Variants in TSHR observed in about 807,000 individuals in gnomAD.
TSHR encodes thyroid stimulating hormone receptor, also known as thyrotropin receptor.
In TSHR, 51 loss-of-function variants were observed where a neutral mutation model predicts 64.1. The ratio of observed to expected loss-of-function variants is 0.80; its 90% CI spans 0.64 to 1.01. The LOEUF is 1.01. Among genes scored for constraint, TSHR ranks in the 50% least tolerant of loss-of-function variants. TSHR has a pLI of 0.00. For missense variants in TSHR, 877 were observed against 942.8 expected, an observed-to-expected ratio of 0.93 and a Z score of 0.91; for synonymous variants, 361 against 361.9, an observed-to-expected ratio of 1.00 and a Z score of 0.03.
chr14:81,060,154 C>T (rs1318774888), intron 1 of TSHR, among the ~76,000 whole-genome samples: 2 of 152,078 alleles, frequency 1.3e-5, no homozygotes, highest in South Asian at 2.1e-4. Flanking sequence ...ACAGTTTAGT[C>T]CCATATTACC....
intron 8 of TSHR, among the ~76,000 whole-genome samples, chr14:81,117,413 A>C (rs1420108276): frequency 9.1e-6 from 1 of 109,788 alleles, no homozygotes; most frequent in Non-Finnish European, 1.7e-5. Context: ...ACCTCTACGC[A>C]AATAAACTAG....
At position 81,145,380 on chromosome 14, in the gene TSHR, C is replaced by A. The variant is rs1891889213; in HGVS notation, c.*1027C>A. Reference sequence around the variant, plus strand: ...ACTCCTAGTCCTTGAAGCCTAGACACATGACCCAGGAAATTTTTCCTTTGT... The same window carrying A: ...ACTCCTAGTCCTTGAAGCCTAGACAAATGACCCAGGAAATTTTTCCTTTGT... On this transcript the variant is annotated 3_prime_UTR_variant, in exon 10 of 10. Transcript: ENST00000298171. 1 of 233,070 alleles carries A rather than the reference C, an allele frequency of 4.3e-6. No individual in the cohort carries two copies. Among genetic ancestry groups the A allele is most frequent in the Non-Finnish European group, 8.5e-6 (1 of 118,016 alleles). The allele number at this position is 233,070 out of a possible 1,614,324, so 14.4% of individuals were successfully genotyped here. A position where few individuals can be genotyped will look rare whatever the true frequency, so the allele number is the denominator to read the frequency against.
rs550500790 is a variant in TSHR, at chr14:80,958,697, A to G, written c.170+2847A>G. 3.3e-5 allele frequency among the ~76,000 whole-genome samples: 5 copies of G among 152,258 alleles called. 1 individual carries two copies. The highest frequency in any genetic ancestry group is 1.2e-4 in the African/African-American group (5 of 41,538). ...TTTCTAGACAAGAAAGATCTAAGTTATGGAAGGTATTCCTTGCTGAAATAA... is the reference window on the plus strand; with the variant it reads ...TTTCTAGACAAGAAAGATCTAAGTTGTGGAAGGTATTCCTTGCTGAAATAA... On this transcript the variant is annotated intron_variant, in intron 1 of 9. Coordinates refer to ENST00000298171, the MANE Select transcript of TSHR (RefSeq NM_000369.5).
chr14:81,025,300 T>C (rs1215515077), intron 1 of TSHR, among the ~76,000 whole-genome samples: 3 of 152,214 alleles, frequency 2.0e-5, no homozygotes, highest in Non-Finnish European at 4.4e-5. Flanking sequence ...CCAGGCCATA[T>C]GGTTCAACTG....
rs2140017375 is a variant in TSHR, at chr14:81,103,675, A to G, written c.615-4700A>G. ...ACTCAGAGGTGAAATTAATAATAATACAAGCATCCCTTGCTCAACAGAAGT... is the reference window on the plus strand; with the variant it reads ...ACTCAGAGGTGAAATTAATAATAATGCAAGCATCCCTTGCTCAACAGAAGT... On this transcript the variant is annotated intron_variant, in intron 7 of 9. Transcript: ENST00000298171. This position sits in a 1 kb window ranked among gnomAD's most constrained non-coding sequence, Gnocchi z 4.1. The G allele has an allele frequency of 1.0e-6, 1 of 985,476 alleles. No homozygotes were observed. Among genetic ancestry groups the G allele is most frequent in the Non-Finnish European group, 1.2e-6 (1 of 829,934 alleles). The allele number at this position is 985,476 out of a possible 1,614,324, so 61.0% of individuals were successfully genotyped here.
At chr14:81,071,638 G>A (rs1887076749) in intron 3 of TSHR, among the ~76,000 whole-genome samples, 1 of 152,124 alleles carries the variant, frequency 6.6e-6, no homozygotes, top group Non-Finnish European at 1.5e-5. Flanking sequence ...GTGCAAACCA[G>A]TGGTCCCAGC....
chr14:81,142,824 G>A, intron 9 of TSHR, 116 bp from the exon 10 acceptor site: 1 of 851,442 alleles, frequency 1.2e-6, no homozygotes, highest in Non-Finnish European at 2.0e-6. Flanking sequence ...TGCCCAGGCT[G>A]GTCTCAAACT....
intron 1 of TSHR, among the ~76,000 whole-genome samples, chr14:81,047,663 T>TC (rs1447667692): frequency 1.0e-5 from 1 of 98,072 alleles, no homozygotes; most frequent in Non-Finnish European, 2.6e-5. Context: ...GTTCATTGGC[T>TC]CTTTTTTTTT....
intron 1 of TSHR, among the ~76,000 whole-genome samples, chr14:81,061,144 G>A (rs1054788374): frequency 3.9e-5 from 6 of 152,102 alleles, no homozygotes; most frequent in Non-Finnish European, 5.9e-5. Flanking sequence ...AGATATGATC[G>A]AAGAGACTTT....
At chr14:80,963,049 A>T (rs1437659105) in intron 1 of TSHR, among the ~76,000 whole-genome samples, 1 of 152,202 alleles carries the variant, frequency 6.6e-6, no homozygotes, top group Non-Finnish European at 1.5e-5. Context: ...CTTAAATCAC[A>T]AGTCAAAATA....
intron 2 of TSHR, 119 bp from the exon 3 acceptor site, chr14:81,068,135 G>C (rs933534087): frequency 1.3e-5 from 12 of 907,306 alleles, no homozygotes. Context: ...AATCCATGAG[G>C]GTTGTACATG....
intron 1 of TSHR, among the ~76,000 whole-genome samples, chr14:81,043,868 G>A (rs1437663099): frequency 6.6e-6 from 1 of 152,060 alleles, no homozygotes; most frequent in Non-Finnish European, 1.5e-5. Context: ...GGTGCTGAGA[G>A]TCCTGGCTAG....
At chr14:81,123,179 G>A (rs949726320) in intron 8 of TSHR, among the ~76,000 whole-genome samples, 3 of 152,032 alleles carry the variant, frequency 2.0e-5, no homozygotes, top group Non-Finnish European at 4.4e-5. Context: ...CAAAGCATAG[G>A]AAGAGAAGAC....
chr14:81,139,710 C>G lies in TSHR; in HGVS notation c.724C>G (p.Pro242Ala). ...GTCTCAAACCAGTGTCACTGCCCTTCCATCCAAAGGCCTGGAGCACCTGAA... is the reference window on the plus strand; with the variant it reads ...GTCTCAAACCAGTGTCACTGCCCTTGCATCCAAAGGCCTGGAGCACCTGAA... The part of the protein sequence containing the change: ...DVSQTSVTAL[P>A]SKGLEHLKEL... Residue 242 changes from proline to alanine, a missense_variant, in exon 9 of 10, where the codon CCA becomes GCA. Pro to Ala is a conservative substitution (Grantham distance 27). Coordinates refer to ENST00000298171, the MANE Select transcript of TSHR (RefSeq NM_000369.5). 6.2e-7 allele frequency: 1 copy of G among 1,614,206 alleles called. No homozygotes were observed. Among genetic ancestry groups the G allele is most frequent in the Non-Finnish European group, 8.5e-7 (1 of 1,180,038 alleles).
intron 1 of TSHR, among the ~76,000 whole-genome samples, chr14:80,978,914 C>T (rs532969962): frequency 2.0e-5 from 3 of 152,202 alleles, no homozygotes; most frequent in Non-Finnish European, 4.4e-5. Flanking sequence ...TACTCCCATT[C>T]ATACATCTAA....
intron 1 of TSHR, chr14:81,052,378 A>T (rs1885484164): frequency 6.6e-6 from 1 of 151,828 alleles, no homozygotes; most frequent in African/African-American, 2.4e-5. Flanking sequence ...TTATCTGGGG[A>T]CTCTCTACCC....
intron 8 of TSHR, among the ~76,000 whole-genome samples, chr14:81,127,431 G>T (rs1463003777): frequency 3.9e-5 from 6 of 152,108 alleles, no homozygotes; most frequent in Non-Finnish European, 8.8e-5. Flanking sequence ...TGATCATTTT[G>T]GGTGTGTGTA....
intron 8 of TSHR, among the ~76,000 whole-genome samples, chr14:81,128,640 C>G (rs1891112601): frequency 6.6e-6 from 1 of 152,140 alleles, no homozygotes; most frequent in Admixed American, 6.5e-5. Flanking sequence ...CTATTTCTTT[C>G]CTCCTCATGG....
At chr14:81,049,962 T>G (rs1349396559) in intron 1 of TSHR, 1 of 152,204 alleles carries the variant, frequency 6.6e-6, no homozygotes, top group Non-Finnish European at 1.5e-5. Context: ...TCTCAGGTAT[T>G]TATTTATAGC....
Sources: allele counts gnomAD v4.1 joint callset (sites outside exome capture counted in the v4.1 genomes callset), GRCh38; gene constraint gnomAD v4.1.1; non-coding constraint Gnocchi (gnomAD v3.1); transcripts MANE v1.5; gene names NCBI Gene and HGNC (gene_info 2026-07-23, HGNC 2026-07-21).